MDGA2: variants seen among roughly 807,000 people sequenced by gnomAD.
MDGA2 encodes MAM domain-containing glycosylphosphatidylinositol anchor protein 2.
MDGA2 carries 40 observed loss-of-function variants against 117.8 expected under a neutral mutation model. The ratio of observed to expected loss-of-function variants is 0.34; its 90% CI spans 0.26 to 0.44. The LOEUF (loss-of-function observed/expected upper bound fraction) is 0.44, where lower values mean the gene tolerates loss of function less well. Among genes scored for constraint, MDGA2 ranks in the 20% least tolerant of loss-of-function variants. The pLI, the probability that MDGA2 is intolerant of heterozygous loss-of-function variation, is 1.00. For synonymous variants in MDGA2, 452 were observed against 439.0 expected (o/e 1.03, Z -0.37); for missense variants, 1,123 against 1,250.6 (o/e 0.90, Z 1.54).
At chr14:47,265,336 G>T (rs371725374) in intron 2 of MDGA2, among the ~76,000 whole-genome samples, 1 of 152,072 alleles carries the variant, frequency 6.6e-6, no homozygotes, top group South Asian at 2.1e-4. Context: ...AATGGTCATT[G>T]TGTTTAAGAA....
chr14:47,591,835 G>A (rs1896445527), intron 1 of MDGA2, among the ~76,000 whole-genome samples: 1 of 152,020 alleles, frequency 6.6e-6, no homozygotes, highest in Admixed American at 6.6e-5. Context: ...CATATTGAAT[G>A]GGCAAAAGCT....
chr14:47,104,837 G>A (rs1880555445), intron 5 of MDGA2, among the ~76,000 whole-genome samples: 1 of 152,012 alleles, frequency 6.6e-6, no homozygotes, highest in South Asian at 2.1e-4. Flanking sequence ...CCGGTAAGCG[G>A]CCTCTTTTTA....
intron 1 of MDGA2, among the ~76,000 whole-genome samples, chr14:47,414,140 C>G (rs1892428453): frequency 6.6e-6 from 1 of 152,158 alleles, no homozygotes; most frequent in Non-Finnish European, 1.5e-5. Flanking sequence ...TGGAAAAACT[C>G]TGCTGTGAAA....
intron 5 of MDGA2, among the ~76,000 whole-genome samples, chr14:47,097,456 C>A (rs1177099731): frequency 6.6e-6 from 1 of 151,910 alleles, no homozygotes; most frequent in Non-Finnish European, 1.5e-5. Flanking sequence ...TGACAATCAT[C>A]TTCTGTTTTT....
At chr14:47,599,951 G>C (rs1406204686) in intron 1 of MDGA2, among the ~76,000 whole-genome samples, 5 of 152,004 alleles carry the variant, frequency 3.3e-5, no homozygotes, top group African/African-American at 9.7e-5. Flanking sequence ...CCTCAATAAT[G>C]TCACTCCACA....
At chr14:47,003,171 C>G (rs773126016) in intron 8 of MDGA2, among the ~76,000 whole-genome samples, 5 of 152,076 alleles carry the variant, frequency 3.3e-5, no homozygotes, top group African/African-American at 9.7e-5. Flanking sequence ...TGTGTTGTTG[C>G]GTGTGTCCAT....
intron 1 of MDGA2, among the ~76,000 whole-genome samples, chr14:47,390,059 C>G (rs555715992): frequency 5.3e-5 from 8 of 152,200 alleles, no homozygotes; most frequent in African/African-American, 1.9e-4. Context: ...TTAGTTGTGC[C>G]CCTCCTGTAA....
chr14:47,374,104 T>C (rs1891424984), intron 1 of MDGA2, among the ~76,000 whole-genome samples: 1 of 152,150 alleles, frequency 6.6e-6, no homozygotes, highest in East Asian at 1.9e-4. Flanking sequence ...AATAATAATA[T>C]GCCATATTTT....
intron 2 of MDGA2, among the ~76,000 whole-genome samples, chr14:47,263,406 T>G (rs553049985): frequency 1.3e-5 from 2 of 152,258 alleles, no homozygotes; most frequent in Middle Eastern, 6.8e-3. Context: ...GAAGCCATAT[T>G]TTTCAAGCTT....
intron 1 of MDGA2, among the ~76,000 whole-genome samples, chr14:47,423,370 T>C (rs1892619347): frequency 6.6e-6 from 1 of 152,188 alleles, no homozygotes; most frequent in South Asian, 2.1e-4. Context: ...GAAACTAACC[T>C]TTATTAATGC....
intron 1 of MDGA2, among the ~76,000 whole-genome samples, chr14:47,599,464 A>T (rs1221541121): frequency 1.3e-5 from 2 of 152,118 alleles, no homozygotes; most frequent in Non-Finnish European, 2.9e-5. Flanking sequence ...TTATTCTAAG[A>T]AGTAGTAGAA....
intron 9 of MDGA2, among the ~76,000 whole-genome samples, chr14:46,952,533 G>A (rs1324803591): frequency 6.6e-6 from 1 of 151,900 alleles, no homozygotes; most frequent in Non-Finnish European, 1.5e-5. Context: ...TGGTTATTTG[G>A]AGTTTATTTA....
At chr14:46,974,684 TTAAG>T (rs1481183991) in intron 8 of MDGA2, among the ~76,000 whole-genome samples, 2 of 152,130 alleles carry the variant, frequency 1.3e-5, no homozygotes, top group Non-Finnish European at 2.9e-5. Context: ...TGCAAAAGAA[TTAAG>T]TTAGATCACT....
chr14:47,280,343 A>AAAAAAAG (rs1555369475), intron 2 of MDGA2, among the ~76,000 whole-genome samples: 31 of 137,320 alleles, frequency 2.3e-4, no homozygotes, highest in Non-Finnish European at 3.3e-4. Context: ...AAAAAAAAAA[A>AAAAAAAG]AGAGAGATTG....
At chr14:47,650,963 G>T (rs1408172250) in intron 1 of MDGA2, among the ~76,000 whole-genome samples, 2 of 151,880 alleles carry the variant, frequency 1.3e-5, no homozygotes, top group Non-Finnish European at 2.9e-5. Flanking sequence ...ATCTTACTTG[G>T]TGTTATTATT....
At chr14:47,310,934 C>G (rs974310431) in intron 1 of MDGA2, among the ~76,000 whole-genome samples, 1 of 152,100 alleles carries the variant, frequency 6.6e-6, no homozygotes, top group African/African-American at 2.4e-5. Flanking sequence ...TTGATCAGGT[C>G]TTTCCCTCCA....
chr14:46,849,284 GTTTA>G (rs952495345), intron 15 of MDGA2, among the ~76,000 whole-genome samples: 1 of 151,890 alleles, frequency 6.6e-6, no homozygotes, highest in Admixed American at 6.6e-5. Context: ...TGTGTAGCAT[GTTTA>G]TTTGTTTCCT....
intron 8 of MDGA2, among the ~76,000 whole-genome samples, chr14:46,974,228 CATAA>C (rs1238028963): frequency 6.6e-6 from 1 of 152,010 alleles, no homozygotes; most frequent in Non-Finnish European, 1.5e-5. Flanking sequence ...AGAAACAAGA[CATAA>C]ATAAATGAAA....
chr14:46,942,533 AAGTTACCTCCTGCCCCTTCGTAATT>A (rs1184743295), intron 9 of MDGA2, among the ~76,000 whole-genome samples: 52 of 152,260 alleles, frequency 3.4e-4, no homozygotes, highest in African/African-American at 1.2e-3. Context: ...TCTCTGCAGA[AAGTTACCTCCTGCCCCTTCGTAATT>A]AGTCACCTCC....
Sources: allele counts gnomAD v4.1 joint callset (sites outside exome capture counted in the v4.1 genomes callset), GRCh38; gene constraint gnomAD v4.1.1; transcripts MANE v1.5; gene names NCBI Gene and HGNC (gene_info 2026-07-23, HGNC 2026-07-21).